TENM2: variants seen among roughly 807,000 people sequenced by gnomAD.
TENM2 encodes teneurin transmembrane protein 2, also known as teneurin-2.
A neutral mutation model predicts 245.2 loss-of-function variants in TENM2; 52 were observed. That is an observed-to-expected ratio of 0.21 (90% CI 0.17 to 0.27). The LOEUF (loss-of-function observed/expected upper bound fraction) is 0.27. Ranked by LOEUF, TENM2 falls within the 10% of genes least tolerant of loss-of-function variation. The probability of loss-of-function intolerance (pLI) is 1.00; values close to 1 mark genes in which losing one functional copy is unlikely to be tolerated. For synonymous variants in TENM2, 1,363 were observed against 1,438.9 expected (o/e 0.95, Z 1.19); for missense variants, 3,046 against 3,666.8 (o/e 0.83, Z 4.37).
the TENM2 span, among the ~76,000 whole-genome samples, chr5:167,224,968 T>C: frequency 6.6e-6 from 1 of 152,042 alleles, no homozygotes; most frequent in Non-Finnish European, 1.5e-5. Flanking sequence ...ATGGCTTATA[T>C]AATTGGGATT....
chr5:167,520,957 G>A (rs1471505384), intron 2 of TENM2, among the ~76,000 whole-genome samples: 1 of 145,274 alleles, frequency 6.9e-6, no homozygotes, highest in East Asian at 2.0e-4. Flanking sequence ...TTTGGTGCCA[G>A]GTCATGTTTA....
chr5:167,549,912 G>A (rs561901699), intron 2 of TENM2, among the ~76,000 whole-genome samples: 1 of 152,170 alleles, frequency 6.6e-6, no homozygotes, highest in South Asian at 2.1e-4. Flanking sequence ...GTAATTTCAG[G>A]CATTTCCTTT....
intron 2 of TENM2, among the ~76,000 whole-genome samples, chr5:167,586,808 G>A (rs1012261196): frequency 2.0e-5 from 3 of 152,134 alleles, no homozygotes; most frequent in African/African-American, 4.8e-5. Context: ...CCAGAGTAAA[G>A]AAAGAATTTT....
chr5:167,137,434 C>T, the TENM2 span, among the ~76,000 whole-genome samples: 7 of 151,954 alleles, frequency 4.6e-5, no homozygotes, highest in African/African-American at 1.5e-4. Flanking sequence ...AAAAAGGTTG[C>T]GAATGCACCT....
At chr5:167,718,992 A>C (rs76356463) in intron 2 of TENM2, among the ~76,000 whole-genome samples, 3,576 of 152,242 alleles carry the variant, frequency 0.023, 147 homozygotes, top group African/African-American at 0.082. Context: ...TCTAGTTTTT[A>C]TGTTTTTCAG....
the TENM2 span, among the ~76,000 whole-genome samples, chr5:167,054,532 C>T: frequency 1.3e-5 from 2 of 151,954 alleles, no homozygotes; most frequent in African/African-American, 4.8e-5. Context: ...TTTTTAACTC[C>T]GTTGAATAAG....
intron 9 of TENM2, among the ~76,000 whole-genome samples, chr5:168,103,600 G>T (rs373027749): frequency 6.6e-6 from 1 of 152,034 alleles, no homozygotes; most frequent in South Asian, 2.1e-4. Flanking sequence ...TTGGATTGAC[G>T]TTATGCATTT....
chr5:168,086,005 C>A (rs1283744595), intron 7 of TENM2, among the ~76,000 whole-genome samples: 2 of 152,240 alleles, frequency 1.3e-5, no homozygotes, highest in African/African-American at 4.8e-5. Flanking sequence ...TGTTGACCCT[C>A]AGCAAGAAAA....
chr5:167,470,617 T>C (rs751631794), intron 2 of TENM2, among the ~76,000 whole-genome samples: 9 of 152,034 alleles, frequency 5.9e-5, no homozygotes, highest in Non-Finnish European at 1.2e-4. Flanking sequence ...TTCTCACTAA[T>C]CCTTGGAAGT....
intron 2 of TENM2, among the ~76,000 whole-genome samples, chr5:167,741,713 C>G (rs776190045): frequency 5.3e-5 from 8 of 152,288 alleles, no homozygotes; most frequent in African/African-American, 9.6e-5. Context: ...GCCTTGTTAA[C>G]ATACCACCAT....
intron 3 of TENM2, among the ~76,000 whole-genome samples, chr5:167,930,677 C>G (rs989426316): frequency 1.3e-5 from 2 of 151,990 alleles, no homozygotes; most frequent in Non-Finnish European, 2.9e-5. Flanking sequence ...GAGACAAAGT[C>G]TCACTACATT....
chr5:167,592,408 A>G (rs1775940584), intron 2 of TENM2, among the ~76,000 whole-genome samples: 1 of 152,170 alleles, frequency 6.6e-6, no homozygotes, highest in East Asian at 1.9e-4. Flanking sequence ...AGTCTAGACT[A>G]CTGTAATTCT....
At chr5:167,840,130 C>T (rs1769369630) in intron 2 of TENM2, among the ~76,000 whole-genome samples, 1 of 152,192 alleles carries the variant, frequency 6.6e-6, no homozygotes, top group Non-Finnish European at 1.5e-5. Flanking sequence ...CCAAACTTTC[C>T]TTATTCAAGG....
At chr5:166,986,176 A>G in the TENM2 span, among the ~76,000 whole-genome samples, 1 of 152,204 alleles carries the variant, frequency 6.6e-6, no homozygotes, top group Non-Finnish European at 1.5e-5. Flanking sequence ...GAATAATTCA[A>G]GTGAGCAATG....
chr5:167,008,922 A>G, the TENM2 span, among the ~76,000 whole-genome samples: 1 of 152,210 alleles, frequency 6.6e-6, no homozygotes, highest in East Asian at 1.9e-4. Flanking sequence ...CAAAGCTTTT[A>G]GCATCGGTCC....
intron 2 of TENM2, among the ~76,000 whole-genome samples, chr5:167,519,495 T>G (rs775398411): frequency 6.6e-6 from 1 of 152,134 alleles, no homozygotes; most frequent in African/African-American, 2.4e-5. Flanking sequence ...GCCAAAACCA[T>G]GCACTTTAAA....
intron 1 of TENM2, among the ~76,000 whole-genome samples, chr5:167,322,086 C>T (rs1393754967): frequency 6.6e-6 from 1 of 152,034 alleles, no homozygotes; most frequent in Non-Finnish European, 1.5e-5. Context: ...CCCACCTCAG[C>T]CTCCCAAAGT....
At chr5:167,610,849 C>T (rs984548314) in intron 2 of TENM2, among the ~76,000 whole-genome samples, 1 of 152,142 alleles carries the variant, frequency 6.6e-6, no homozygotes. Context: ...ACATTCTTCT[C>T]AGATTCATAA....
intron 9 of TENM2, 150 bp downstream of exon 11, chr5:168,098,277 C>T (rs2152276574): frequency 9.5e-6 from 6 of 633,100 alleles, no homozygotes; most frequent in South Asian, 1.9e-5. Flanking sequence ...CATAAGCCTT[C>T]GTAAAGAGTA....
Sources: gnomAD v4.1 joint callset for allele counts (sites outside exome capture counted in the v4.1 genomes callset) on GRCh38, gnomAD v4.1.1 for gene constraint, MANE v1.5 for transcripts, NCBI Gene and HGNC (gene_info 2026-07-23, HGNC 2026-07-21) for gene names.